The following HEMK2 variants were observed in gnomAD, a reference collection of about 807,000 sequenced individuals.
The protein encoded by HEMK2 is HemK methyltransferase 2, ETF1 glutamine and histone H4 lysine.
the HEMK2 span, among the ~76,000 whole-genome samples, chr21:28,853,990 C>T: frequency 6.6e-6 from 1 of 152,062 alleles, no homozygotes; most frequent in Non-Finnish European, 1.5e-5. Context: ...TCTGTTTTTC[C>T]ACAATTTCAG....
the HEMK2 span, among the ~76,000 whole-genome samples, chr21:28,711,911 A>G: frequency 2.0e-5 from 3 of 152,100 alleles, no homozygotes; most frequent in Non-Finnish European, 4.4e-5. Context: ...ACTTGTCCTT[A>G]CATGGCAGAA....
chr21:28,733,146 G>A, the HEMK2 span, among the ~76,000 whole-genome samples: 2 of 152,132 alleles, frequency 1.3e-5, no homozygotes, highest in Non-Finnish European at 2.9e-5. Context: ...GGGCGTGGTG[G>A]TGGGCACCTA....
the HEMK2 span, among the ~76,000 whole-genome samples, chr21:28,751,643 C>T: frequency 0.16 from 24,382 of 152,126 alleles, 2,216 homozygotes; most frequent in East Asian, 0.25. Context: ...TTAACATCTA[C>T]GTTTTGTTCA....
chr21:28,691,248 A>C, the HEMK2 span, among the ~76,000 whole-genome samples: 1 of 98,770 alleles, frequency 1.0e-5, no homozygotes, highest in Non-Finnish European at 1.8e-5. Flanking sequence ...AGTTCATATG[A>C]GAGAGGGACT....
At chr21:28,838,972 A>AAAAAT in the HEMK2 span, among the ~76,000 whole-genome samples, 53 of 29,130 alleles carry the variant, frequency 1.8e-3, no homozygotes, top group Non-Finnish European at 2.4e-3. Flanking sequence ...AAAAAAAAAA[A>AAAAAT]ATATATATAT....
the HEMK2 span, among the ~76,000 whole-genome samples, chr21:28,598,820 A>G: frequency 0.018 from 2,709 of 152,334 alleles, 105 homozygotes; most frequent in African/African-American, 0.063. Flanking sequence ...AAAGAGTTGC[A>G]GACACTGAAG....
the HEMK2 span, among the ~76,000 whole-genome samples, chr21:28,668,816 A>T: frequency 6.6e-6 from 1 of 152,210 alleles, no homozygotes; most frequent in South Asian, 2.1e-4. Context: ...ATTGTTAAAA[A>T]GTATAAATGA....
At chr21:28,859,532 CT>C in the HEMK2 span, among the ~76,000 whole-genome samples, 6 of 152,156 alleles carry the variant, frequency 3.9e-5, no homozygotes, top group African/African-American at 1.4e-4. Context: ...AGTGTGGTTA[CT>C]TTTTTTCAAT....
the HEMK2 span, among the ~76,000 whole-genome samples, chr21:28,811,675 A>C: frequency 6.6e-6 from 1 of 152,122 alleles, no homozygotes; most frequent in African/African-American, 2.4e-5. Context: ...GCTTTACAAT[A>C]ATTCTGTATG....
At chr21:28,595,281 A>G in the HEMK2 span, among the ~76,000 whole-genome samples, 1 of 11,124 alleles carries the variant, frequency 9.0e-5, no homozygotes, top group African/African-American at 1.2e-3. Context: ...CATTCGTTCT[A>G]GTTTTGTACC....
the HEMK2 span, among the ~76,000 whole-genome samples, chr21:28,822,861 GTCCATTAC>G: frequency 0.11 from 16,844 of 151,868 alleles, 2,293 homozygotes; most frequent in African/African-American, 0.32. Context: ...AGATATTAAC[GTCCATTAC>G]TCCATTCGAT....
chr21:28,676,629 C>T, the HEMK2 span, among the ~76,000 whole-genome samples: 10 of 152,168 alleles, frequency 6.6e-5, no homozygotes, highest in Non-Finnish European at 1.5e-4. Context: ...CACAGAAGTT[C>T]GCGCCTTTGC....
At chr21:28,614,387 A>G in the HEMK2 span, among the ~76,000 whole-genome samples, 4 of 151,698 alleles carry the variant, frequency 2.6e-5, no homozygotes, top group Admixed American at 2.6e-4. Flanking sequence ...ATTACTTTTG[A>G]TAATTCACTC....
the HEMK2 span, among the ~76,000 whole-genome samples, chr21:28,668,890 T>A: frequency 6.6e-6 from 1 of 152,210 alleles, no homozygotes; most frequent in Non-Finnish European, 1.5e-5. Flanking sequence ...ATCTGTATTG[T>A]TACCAATCTC....
At chr21:28,694,930 G>A in the HEMK2 span, among the ~76,000 whole-genome samples, 8 of 151,760 alleles carry the variant, frequency 5.3e-5, no homozygotes, top group South Asian at 2.1e-4. Flanking sequence ...CCCAGGAGGC[G>A]GAGCTTGCAG....
At chr21:28,699,013 G>C in the HEMK2 span, among the ~76,000 whole-genome samples, 3 of 152,056 alleles carry the variant, frequency 2.0e-5, no homozygotes, top group African/African-American at 7.2e-5. Context: ...AAGCATTCAT[G>C]TGTTTTTTTA....
the HEMK2 span, among the ~76,000 whole-genome samples, chr21:28,663,050 T>C: frequency 1.3e-5 from 2 of 151,944 alleles, no homozygotes; most frequent in African/African-American, 2.4e-5. Context: ...CAGTGGGAGA[T>C]AAAGGAGAGA....
At chr21:28,707,404 C>T in the HEMK2 span, among the ~76,000 whole-genome samples, 23,493 of 151,604 alleles carry the variant, frequency 0.15, 2,043 homozygotes, top group East Asian at 0.25. Flanking sequence ...TACAAGCATG[C>T]GCCACCAGAC....
At chr21:28,762,840 T>C in the HEMK2 span, among the ~76,000 whole-genome samples, 1 of 152,154 alleles carries the variant, frequency 6.6e-6, no homozygotes. Context: ...ACTTCTTTTC[T>C]TTATAAATTA....
Sources: allele counts gnomAD v4.1 joint callset (sites outside exome capture counted in the v4.1 genomes callset), GRCh38; gene constraint gnomAD v4.1.1; transcripts MANE v1.5; gene names NCBI Gene and HGNC (gene_info 2026-07-23, HGNC 2026-07-21).